DOCK3: variants seen among roughly 807,000 people sequenced by gnomAD.
DOCK3 encodes dedicator of cytokinesis protein 3.
In DOCK3, 60 loss-of-function variants were observed where a neutral mutation model predicts 265.6. The observed-to-expected ratio is 0.23, with a 90% confidence interval of 0.18 to 0.28. The LOEUF (loss-of-function observed/expected upper bound fraction) is 0.28. DOCK3 is among the 10% of genes least tolerant of loss of function. DOCK3 has a pLI of 1.00. For missense variants in DOCK3, 1,981 were observed against 2,594.3 expected (o/e 0.76, Z 5.14); for synonymous variants, 881 against 938.0 (o/e 0.94, Z 1.11).
chr3:50,933,059 A>G (rs1001993608), intron 4 of DOCK3, among the ~76,000 whole-genome samples: 1 of 152,146 alleles, frequency 6.6e-6, no homozygotes, highest in Non-Finnish European at 1.5e-5. Flanking sequence ...CCTCTTTAAA[A>G]AAGCCATCAG....
At chr3:51,370,987 T>G (rs1007000215) in intron 49 of DOCK3, among the ~76,000 whole-genome samples, 4 of 152,204 alleles carry the variant, frequency 2.6e-5, no homozygotes, top group African/African-American at 9.7e-5. Context: ...TCTCACAGCA[T>G]GGCAGCTGAT....
At chr3:51,205,662 C>A (rs899495537) in intron 12 of DOCK3, among the ~76,000 whole-genome samples, 1 of 151,982 alleles carries the variant, frequency 6.6e-6, no homozygotes, top group Non-Finnish European at 1.5e-5. Flanking sequence ...GTGATTGTAC[C>A]GCTACACTCC....
At chr3:50,921,253 T>G (rs551570872) in intron 4 of DOCK3, among the ~76,000 whole-genome samples, 1 of 152,342 alleles carries the variant, frequency 6.6e-6, no homozygotes, top group African/African-American at 2.4e-5. Flanking sequence ...TCATTTCTTT[T>G]TACTCTTTTT....
At chr3:51,228,869 C>G (rs1409908992) in intron 18 of DOCK3, 37 bp downstream of exon 18, 13 of 1,604,636 alleles carry the variant, frequency 8.1e-6, no homozygotes, top group Non-Finnish European at 6.0e-6. Flanking sequence ...GCCCTCCACC[C>G]TCCTCCATTG....
At chr3:51,181,667 A>G (rs1315519255) in intron 12 of DOCK3, among the ~76,000 whole-genome samples, 1 of 152,208 alleles carries the variant, frequency 6.6e-6, no homozygotes, top group Non-Finnish European at 1.5e-5. Context: ...TATGGAGGAA[A>G]ACAAGTGATA....
chr3:51,312,039 C>T lies in DOCK3; in HGVS notation c.3053C>T (p.Ala1018Val), dbSNP rs779996811. 1.2e-6 allele frequency: 2 copies of T among 1,606,976 alleles called. No homozygotes were observed. The highest frequency in any genetic ancestry group is 1.7e-6 in the Non-Finnish European group (2 of 1,176,464). Residue 1018 changes from alanine to valine, a missense_variant, in exon 29 of 53, where the codon GCA (alanine) becomes GTA (valine). By Grantham distance (64) the Ala-to-Val change is moderately conservative. Transcript: ENST00000266037. The part of the protein sequence containing the change: ...IVTTVQYLSS[A>V]LHKNFTETDF... ...ACTACTGTCCAGTACCTGTCCTCTG[C>T]ACTGCACAAGAATTTCACAGAGACT...
intron 17 of DOCK3, 102 bp downstream of exon 17, chr3:51,228,190 A>G: frequency 8.5e-7 from 1 of 1,175,830 alleles, no homozygotes; most frequent in Non-Finnish European, 1.2e-6. Flanking sequence ...AGGCCAGAAG[A>G]CCAAGGGAAG....
chr3:51,169,207 A>G (rs1435035981), intron 12 of DOCK3, among the ~76,000 whole-genome samples: 1 of 152,236 alleles, frequency 6.6e-6, no homozygotes, highest in African/African-American at 2.4e-5. Context: ...AAGCAGAACT[A>G]CCATTTGACC....
intron 1 of DOCK3, among the ~76,000 whole-genome samples, chr3:50,754,241 C>T (rs556581938): frequency 2.0e-5 from 3 of 148,286 alleles, no homozygotes; most frequent in South Asian, 4.3e-4. Context: ...AGGAGCTAAG[C>T]ACTGAACACA....
At chr3:51,081,953 C>T (rs1368075714) in intron 7 of DOCK3, among the ~76,000 whole-genome samples, 1 of 150,670 alleles carries the variant, frequency 6.6e-6, no homozygotes, top group Non-Finnish European at 1.5e-5. Flanking sequence ...ATCAAGATGG[C>T]TGAGTAGAGG....
intron 27 of DOCK3, among the ~76,000 whole-genome samples, chr3:51,305,040 G>C (rs2082577006): frequency 6.6e-6 from 1 of 152,298 alleles, no homozygotes; most frequent in Admixed American, 6.5e-5. Flanking sequence ...TGTGTATTTT[G>C]TTGTTAGATG....
chr3:50,754,678 G>A (rs1232458990), intron 1 of DOCK3, among the ~76,000 whole-genome samples: 3 of 151,092 alleles, frequency 2.0e-5, no homozygotes, highest in Non-Finnish European at 2.9e-5. Flanking sequence ...TCCTGCCTAA[G>A]CCTCCCAAGT....
intron 9 of DOCK3, among the ~76,000 whole-genome samples, chr3:51,104,807 G>A (rs745381397): frequency 3.6e-4 from 55 of 152,102 alleles, no homozygotes; most frequent in Non-Finnish European, 7.1e-4. Context: ...TAATATTTTT[G>A]AGACAGGGTC....
intron 1 of DOCK3, among the ~76,000 whole-genome samples, chr3:50,689,489 A>G (rs2035062021): frequency 6.6e-6 from 1 of 152,190 alleles, no homozygotes; most frequent in Admixed American, 6.5e-5. Flanking sequence ...AGAACTCACC[A>G]TCACATCTTC....
intron 1 of DOCK3, among the ~76,000 whole-genome samples, chr3:50,723,980 A>G (rs1007477266): frequency 6.6e-6 from 1 of 152,310 alleles, no homozygotes; most frequent in East Asian, 1.9e-4. Context: ...GAATCTACAA[A>G]GAACTTAAGC....
chr3:50,934,382 A>G (rs553274493), intron 5 of DOCK3, among the ~76,000 whole-genome samples: 1 of 152,332 alleles, frequency 6.6e-6, no homozygotes, highest in East Asian at 1.9e-4. Context: ...TTACAGAACA[A>G]ATGAACCAAC....
At chr3:51,220,131 G>T (rs1181433853) in intron 14 of DOCK3, among the ~76,000 whole-genome samples, 1 of 151,712 alleles carries the variant, frequency 6.6e-6, no homozygotes, top group Non-Finnish European at 1.5e-5. Flanking sequence ...CTACTCCATT[G>T]GTTGCATACC....
chr3:50,835,051 G>T (rs1180653376), intron 2 of DOCK3, among the ~76,000 whole-genome samples: 1 of 152,170 alleles, frequency 6.6e-6, no homozygotes, highest in East Asian at 1.9e-4. Flanking sequence ...ACAGAAGGCA[G>T]ATTAGTGCTC....
At chr3:51,019,686 G>T (rs2079504113) in intron 5 of DOCK3, among the ~76,000 whole-genome samples, 1 of 148,962 alleles carries the variant, frequency 6.7e-6, no homozygotes, top group African/African-American at 2.5e-5. Flanking sequence ...GCATCCATAT[G>T]TTCTCATCAT....
Sources: gnomAD v4.1 joint callset for allele counts (sites outside exome capture counted in the v4.1 genomes callset) on GRCh38, gnomAD v4.1.1 for gene constraint, MANE v1.5 for transcripts, NCBI Gene and HGNC (gene_info 2026-07-23, HGNC 2026-07-21) for gene names.